The following MIB1 variants were observed in gnomAD, a reference collection of about 807,000 sequenced individuals.
MIB1 encodes E3 ubiquitin-protein ligase MIB1.
Under a neutral mutation model 124.5 loss-of-function variants are expected in MIB1, and 278 were observed. The ratio of observed to expected loss-of-function variants is 2.23; its 90% CI spans 2.02 to 2.47. MIB1 has a LOEUF of 2.47. Among genes scored for constraint, MIB1 ranks in the 30% most tolerant of loss-of-function variants. The pLI, the probability that MIB1 is intolerant of heterozygous loss-of-function variation, is 0.00. For synonymous variants in MIB1, 446 were observed against 429.4 expected (o/e 1.04, Z -0.48); for missense variants, 957 against 1,254.4 (o/e 0.76, Z 3.58).
rs1358760942 is a variant in MIB1 at position 21,741,861 on chromosome 18, C to A, written c.229+49C>A. On this transcript the variant is annotated intron_variant, in intron 1 of 20. Coordinates refer to ENST00000261537, the MANE Select transcript of MIB1 (RefSeq NM_020774.4). This position sits in a 1 kb window ranked among gnomAD's most constrained non-coding sequence, Gnocchi z 5.4. ...GGCTTGCGCGCGCGGGGGGAAGGGG[C>A]GAGCTGCGGTGGGCGTCGGTGTCGC... 2 of 1,475,568 alleles carry A rather than the reference C, an allele frequency of 1.4e-6. No homozygotes were observed. The highest frequency in any genetic ancestry group is 2.8e-5 in the African/African-American group (2 of 71,220). 91.4% of individuals were successfully genotyped at this position (1,475,568 alleles called of 1,614,324 possible).
At chr18:21,774,033 G>T (rs1056936769) in intron 4 of MIB1, among the ~76,000 whole-genome samples, 1 of 152,120 alleles carries the variant, frequency 6.6e-6, no homozygotes, top group Non-Finnish European at 1.5e-5. Flanking sequence ...GGATGGACCT[G>T]GAAGACGGTA....
chr18:21,761,782 G>T (rs2041100285), intron 1 of MIB1, among the ~76,000 whole-genome samples: 1 of 152,186 alleles, frequency 6.6e-6, no homozygotes, highest in South Asian at 2.1e-4. Context: ...TGCACCGGGA[G>T]CTCTGAGCCA....
rs368228524 is a variant in MIB1 at position 21,741,815 on chromosome 18, A to G, written c.229+3A>G. ...CATCCTGGACAGCGCGCCCACCGGTAAGCCGCGGCCACCTGGCCAGGGCTT... is the reference window on the plus strand; with the variant it reads ...CATCCTGGACAGCGCGCCCACCGGTGAGCCGCGGCCACCTGGCCAGGGCTT... On this transcript the variant is annotated splice_donor_region_variant and intron_variant, in intron 1 of 20. Coordinates refer to ENST00000261537, the MANE Select transcript of MIB1 (RefSeq NM_020774.4). The surrounding 1 kb of genome is among the most constrained non-coding windows in gnomAD (Gnocchi z 5.4). 12 of 1,591,848 alleles carry G rather than the reference A, an allele frequency of 7.5e-6. No individual in the cohort carries two copies. The African/African-American group carries it at 1.1e-4, about 14-fold the overall frequency.
At chr18:21,856,240 A>AAAAAAAACAAAAAAC (rs5823316) in intron 18 of MIB1, among the ~76,000 whole-genome samples, 1 of 135,446 alleles carries the variant, frequency 7.4e-6, no homozygotes, top group Non-Finnish European at 1.5e-5. Flanking sequence ...CCGTCTCAAA[A>AAAAAAAACAAAAAAC]AAAAAACAAA....
intron 1 of MIB1, among the ~76,000 whole-genome samples, chr18:21,752,524 T>A (rs895152691): frequency 3.3e-5 from 5 of 152,192 alleles, no homozygotes; most frequent in African/African-American, 1.2e-4. Flanking sequence ...AGCTAATAAC[T>A]AAAGCTATTC....
chr18:21,800,607 G>A (rs2146455528), intron 9 of MIB1, among the ~76,000 whole-genome samples: 1 of 152,096 alleles, frequency 6.6e-6, no homozygotes, highest in African/African-American at 2.4e-5. Context: ...TATTACGTTC[G>A]GTGTCAGCCA....
intron 2 of MIB1, among the ~76,000 whole-genome samples, chr18:21,768,154 T>A (rs1179073508): frequency 6.6e-6 from 1 of 152,220 alleles, no homozygotes; most frequent in Admixed American, 6.5e-5. Flanking sequence ...CTAGAAGCTA[T>A]AGCGATTTGA....
At position 21,779,579 on chromosome 18, in the gene MIB1, CA is replaced by C. The variant is rs1568197941; in HGVS notation, c.803del (p.His268LeufsTer12). Reference protein sequence around the residue: ...LEIVQSLQHGHGGWTDGMFET... With the variant: ...LEIVQSLQHGXGGWTDGMFET... ...AATTGTACAGTCTTTGCAGCATGGT[CA>C]TGGAGGATGGACTGATGGAATGTTT... On this transcript the variant is annotated frameshift_variant, in exon 6 of 21. Transcript: ENST00000261537. LOFTEE classifies it high-confidence loss of function. 6.2e-7 allele frequency: 1 copy of C among 1,613,904 alleles called. No individual in the cohort carries two copies. The highest frequency in any genetic ancestry group is 8.5e-7 in the Non-Finnish European group (1 of 1,179,894).
chr18:21,820,014 A>G (rs191357216), intron 12 of MIB1, among the ~76,000 whole-genome samples: 2 of 152,310 alleles, frequency 1.3e-5, no homozygotes, highest in East Asian at 3.9e-4. Flanking sequence ...TTAAAACTTA[A>G]GACTAAATAA....
intron 20 of MIB1, among the ~76,000 whole-genome samples, chr18:21,861,513 A>G (rs1473654338): frequency 6.6e-6 from 1 of 152,086 alleles, no homozygotes; most frequent in Non-Finnish European, 1.5e-5. Context: ...TCCAAAGTTT[A>G]GCATTCTACC....
chr18:21,715,370 C>G (rs1203305037), intron 1 of MIB1, among the ~76,000 whole-genome samples: 1 of 152,156 alleles, frequency 6.6e-6, no homozygotes, highest in Non-Finnish European at 1.5e-5. Context: ...CAACAGCCTT[C>G]ATCCCTAGAC....
intron 18 of MIB1, among the ~76,000 whole-genome samples, 160 bp from the exon 19 acceptor site, chr18:21,856,970 C>T (rs1471697131): frequency 6.6e-6 from 1 of 152,144 alleles, no homozygotes; most frequent in African/African-American, 2.4e-5. Context: ...AATACTCATT[C>T]TTAGGTTGAT....
chr18:21,795,734 A>G (rs1025830403), intron 7 of MIB1, among the ~76,000 whole-genome samples: 9 of 152,170 alleles, frequency 5.9e-5, no homozygotes, highest in Admixed American at 6.6e-5. Context: ...AATTTTTTAA[A>G]CACAGTTAAT....
chr18:21,734,494 C>T (rs201547463), intron 1 of MIB1, among the ~76,000 whole-genome samples: 201 of 64,140 alleles, frequency 3.1e-3, no homozygotes, highest in Middle Eastern at 9.1e-3. Context: ...CTCTCTCTCT[C>T]TCTTTCTTTC....
At chr18:21,852,283 G>A (rs2042186874) in intron 17 of MIB1, among the ~76,000 whole-genome samples, 1 of 152,208 alleles carries the variant, frequency 6.6e-6, no homozygotes, top group Admixed American at 6.5e-5. Context: ...TGAGGTGTAA[G>A]TTGGGAAAGT....
At chr18:21,780,462 C>A (rs774110331) in intron 6 of MIB1, among the ~76,000 whole-genome samples, 1 of 152,164 alleles carries the variant, frequency 6.6e-6, no homozygotes, top group Non-Finnish European at 1.5e-5. Context: ...TTTACATCTC[C>A]TCATATGAGT....
intron 2 of MIB1, among the ~76,000 whole-genome samples, chr18:21,766,429 CAT>C (rs2041160025): frequency 6.6e-6 from 1 of 152,118 alleles, no homozygotes; most frequent in Non-Finnish European, 1.5e-5. Context: ...CAGTGATTAT[CAT>C]GTGATGTTTT....
intron 1 of MIB1, among the ~76,000 whole-genome samples, chr18:21,722,174 C>G (rs2040718575): frequency 6.6e-6 from 1 of 151,542 alleles, no homozygotes; most frequent in South Asian, 2.1e-4. Context: ...CCTGCTTCAG[C>G]CTCCTGAGTA....
intron 6 of MIB1, among the ~76,000 whole-genome samples, 193 bp from the exon 7 acceptor site, chr18:21,791,180 TA>T (rs373544864): frequency 1.0e-3 from 134 of 128,618 alleles, no homozygotes; most frequent in Non-Finnish European, 1.2e-3. Flanking sequence ...AGACTCTGTC[TA>T]AAAAAAAAAA....
Sources: gnomAD v4.1 joint callset for allele counts (sites outside exome capture counted in the v4.1 genomes callset) on GRCh38, gnomAD v4.1.1 for gene constraint, Gnocchi (gnomAD v3.1) non-coding constraint, MANE v1.5 for transcripts, NCBI Gene and HGNC (gene_info 2026-07-23, HGNC 2026-07-21) for gene names.